Variants in TSPAN18 observed in about 807,000 individuals in gnomAD.
The protein encoded by TSPAN18 is tetraspanin 18.
A neutral mutation model predicts 27.3 loss-of-function variants in TSPAN18; 14 were observed. The observed-to-expected ratio is 0.51, with a 90% CI of 0.34 to 0.80. The LOEUF (loss-of-function observed/expected upper bound fraction) is 0.80. Ranked by LOEUF, TSPAN18 falls within the 30% of genes least tolerant of loss-of-function variation. TSPAN18 has a pLI of 0.01. For missense variants in TSPAN18, 268 were observed against 323.9 expected (o/e 0.83, Z 1.32); for synonymous variants, 143 against 136.5 (o/e 1.05, Z -0.33).
Position 44,773,379 on chromosome 11 carries a change from G to A in TSPAN18, c.-153+8867G>A, listed in dbSNP as rs189084583. ...TGTGATGAGCTGAGATTGCGCCATT[G>A]CACTCCAGCCTGGGCAACAAGAGTG... On this transcript the variant is annotated intron_variant, in intron 2 of 9. Transcript: ENST00000520358. Among the ~76,000 whole-genome samples the A allele has an allele frequency of 3.3e-5, 5 of 152,080 alleles. No homozygotes were observed. The East Asian group carries it at 9.7e-4, about 29-fold the overall frequency.
intron 1 of TSPAN18, among the ~76,000 whole-genome samples, chr11:44,734,331 A>G (rs1854736305): frequency 6.6e-6 from 1 of 152,212 alleles, no homozygotes; most frequent in South Asian, 2.1e-4. Flanking sequence ...TTTTCTGTGG[A>G]TAGTAAGATG....
chr11:44,769,940 G>A lies in TSPAN18; in HGVS notation c.-153+5428G>A, dbSNP rs188030200. Among the ~76,000 whole-genome samples, 210 of 152,328 alleles carry A rather than the reference G, an allele frequency of 1.4e-3. 1 individual carries two copies. The highest frequency in any genetic ancestry group is 0.011 in the East Asian group (58 of 5,186). On this transcript the variant is annotated intron_variant, in intron 2 of 9. Coordinates refer to ENST00000520358, the MANE Select transcript of TSPAN18 (RefSeq NM_130783.5). ...ATCGTGGCTCTATCACTAAGTATCTGAGGCTTAGGGGTAAATCTCGTTGAT... is the reference window on the plus strand; with the variant it reads ...ATCGTGGCTCTATCACTAAGTATCTAAGGCTTAGGGGTAAATCTCGTTGAT...
intron 2 of TSPAN18, among the ~76,000 whole-genome samples, chr11:44,810,238 A>G (rs1007034677): frequency 6.6e-6 from 1 of 152,204 alleles, no homozygotes; most frequent in Non-Finnish European, 1.5e-5. Flanking sequence ...ACCTCCGTCA[A>G]GTTCCAAAAC....
At chr11:44,785,532 C>T (rs1856035907) in intron 2 of TSPAN18, among the ~76,000 whole-genome samples, 1 of 151,626 alleles carries the variant, frequency 6.6e-6, no homozygotes, top group Non-Finnish European at 1.5e-5. Flanking sequence ...CCCCCACCGC[C>T]CCCTGAAGCA....
chr11:44,778,666 G>T (rs186368335), intron 2 of TSPAN18, among the ~76,000 whole-genome samples: 1 of 152,144 alleles, frequency 6.6e-6, no homozygotes, highest in East Asian at 1.9e-4. Context: ...GTTAATACCC[G>T]CATTTATTTA....
intron 2 of TSPAN18, among the ~76,000 whole-genome samples, chr11:44,830,140 TA>T (rs1482751676): frequency 6.6e-6 from 1 of 152,180 alleles, no homozygotes; most frequent in East Asian, 1.9e-4. Flanking sequence ...ATCTCTTTCT[TA>T]ACTCAGGGGC....
intron 2 of TSPAN18, among the ~76,000 whole-genome samples, chr11:44,779,288 T>C (rs79291604): frequency 0.027 from 4,154 of 152,206 alleles, 196 homozygotes; most frequent in African/African-American, 0.095. Context: ...GATTCTGAAA[T>C]AGGGCCAGGG....
chr11:44,748,460 A>G (rs1177647899), intron 1 of TSPAN18, among the ~76,000 whole-genome samples: 1 of 152,106 alleles, frequency 6.6e-6, no homozygotes, highest in East Asian at 1.9e-4. Flanking sequence ...GATCTGAGAT[A>G]AGATTCTTAC....
At chr11:44,842,568 C>T (rs1051161028) in intron 2 of TSPAN18, among the ~76,000 whole-genome samples, 4 of 151,948 alleles carry the variant, frequency 2.6e-5, no homozygotes, top group South Asian at 4.2e-4. Context: ...GGATAATAAG[C>T]GAGAGAGGGC....
intron 8 of TSPAN18, among the ~76,000 whole-genome samples, chr11:44,924,130 T>A (rs113956154): frequency 6.9e-6 from 1 of 144,936 alleles, no homozygotes; most frequent in Non-Finnish European, 1.5e-5. Flanking sequence ...TGTGTGTGTG[T>A]GATTATATTG....
In TSPAN18 at chr11:44,749,235, CTT is replaced by C. The variant is rs1391179844; in HGVS notation, c.-239-15190_-239-15189del. On this transcript the variant is annotated intron_variant, in intron 1 of 9. Transcript: ENST00000520358. ...TTTATTATGAGCCTTGAGCGAGTCT[CTT>C]ATCCTCTGATGCTCAGGTTCCCCAT... Among the ~76,000 whole-genome samples the C allele has an allele frequency of 3.9e-5, 6 of 152,248 alleles. No homozygotes were observed. The East Asian group carries it at 1.2e-3, about 29-fold the overall frequency.
chr11:44,800,997 C>T (rs1276257700), intron 2 of TSPAN18, among the ~76,000 whole-genome samples: 2 of 152,202 alleles, frequency 1.3e-5, no homozygotes, highest in African/African-American at 2.4e-5. Context: ...GACCAAGCCT[C>T]ACATCTTCTG....
chr11:44,745,424 G>A (rs1252515910), intron 1 of TSPAN18, among the ~76,000 whole-genome samples: 1 of 152,156 alleles, frequency 6.6e-6, no homozygotes, highest in Non-Finnish European at 1.5e-5. Context: ...CTGACCAGTG[G>A]CTAAAATAAA....
chr11:44,865,816 C>A (rs1375396209), intron 3 of TSPAN18, among the ~76,000 whole-genome samples: 1 of 152,190 alleles, frequency 6.6e-6, no homozygotes, highest in Non-Finnish European at 1.5e-5. Flanking sequence ...GGAGCAGGAA[C>A]AGGAGCAGGA....
intron 1 of TSPAN18, among the ~76,000 whole-genome samples, chr11:44,759,702 C>T (rs1855407202): frequency 6.6e-6 from 1 of 152,176 alleles, no homozygotes; most frequent in Non-Finnish European, 1.5e-5. Flanking sequence ...CCCATCCATC[C>T]ATTTCTCCTA....
intron 2 of TSPAN18, among the ~76,000 whole-genome samples, chr11:44,809,612 A>T (rs974238400): frequency 1.3e-5 from 2 of 150,784 alleles, no homozygotes; most frequent in South Asian, 4.2e-4. Flanking sequence ...CTGAATCTTG[A>T]GGGGGTGGGT....
At chr11:44,781,218 T>C (rs1855931923) in intron 2 of TSPAN18, among the ~76,000 whole-genome samples, 1 of 152,204 alleles carries the variant, frequency 6.6e-6, no homozygotes, top group African/African-American at 2.4e-5. Context: ...ATCTTGCTGA[T>C]GTCAGCATAT....
chr11:44,767,684 T>C (rs1270636630), intron 2 of TSPAN18, among the ~76,000 whole-genome samples: 1 of 152,266 alleles, frequency 6.6e-6, no homozygotes, highest in Non-Finnish European at 1.5e-5. Flanking sequence ...ATTGCCAAAT[T>C]CGAGATCATG....
In TSPAN18 at chr11:44,865,462, C is replaced by T. The variant is rs371201182; in HGVS notation, c.-11+4993C>T. Among the ~76,000 whole-genome samples the T allele has an allele frequency of 2.6e-4, 39 of 152,262 alleles. No homozygotes were observed. In the East Asian group the frequency reaches 4.2e-3, roughly 17 times the overall value. ...TTTGTTGCATCTTCTTGCTCCCACA[C>T]GGGTTTTTCCAGACTACTTTGCATT... On this transcript the variant is annotated intron_variant, in intron 3 of 9. Transcript: ENST00000520358.
Sources: gnomAD v4.1 joint callset for allele counts (sites outside exome capture counted in the v4.1 genomes callset) on GRCh38, gnomAD v4.1.1 for gene constraint, MANE v1.5 for transcripts, NCBI Gene and HGNC (gene_info 2026-07-23, HGNC 2026-07-21) for gene names.